Variants in WWOX observed in about 807,000 individuals in gnomAD.
WWOX encodes the protein WW domain-containing oxidoreductase.
Under a neutral mutation model 46.2 loss-of-function variants are expected in WWOX, and 69 were observed. The observed-to-expected ratio is 1.49, with a 90% CI of 1.23 to 1.82. The LOEUF (loss-of-function observed/expected upper bound fraction) is 1.82, where lower values mean the gene tolerates loss of function less well. Among genes scored for constraint, WWOX ranks in the 40% most tolerant of loss-of-function variants. WWOX has a pLI of 0.00. For missense variants in WWOX, 919 were observed against 542.6 expected (o/e 1.69, Z -6.89); for synonymous variants, 359 against 202.6 (o/e 1.77, Z -6.56).
intron 8 of WWOX, among the ~76,000 whole-genome samples, chr16:78,973,309 T>C (rs1051955723): frequency 6.6e-6 from 1 of 152,146 alleles, no homozygotes; most frequent in Admixed American, 6.5e-5. Context: ...TGGGTACTTA[T>C]GTTCCCTAGT....
intron 8 of WWOX, among the ~76,000 whole-genome samples, chr16:78,995,479 A>T (rs1333714006): frequency 6.6e-6 from 1 of 152,152 alleles, no homozygotes; most frequent in Non-Finnish European, 1.5e-5. Flanking sequence ...TGGTAAAACC[A>T]AGTTCTTTGT....
chr16:78,405,228 G>A (rs2082499733), intron 6 of WWOX, among the ~76,000 whole-genome samples: 1 of 152,164 alleles, frequency 6.6e-6, no homozygotes, highest in Non-Finnish European at 1.5e-5. Context: ...TGCATGAAAT[G>A]AAAAATTCCT....
At chr16:78,760,248 C>G (rs938568302) in intron 8 of WWOX, among the ~76,000 whole-genome samples, 15 of 152,116 alleles carry the variant, frequency 9.9e-5, no homozygotes, top group African/African-American at 3.4e-4. Flanking sequence ...GACTTATTCA[C>G]TACCATGAGA....
At chr16:78,155,913 A>G (rs1330683903) in intron 4 of WWOX, among the ~76,000 whole-genome samples, 1 of 152,196 alleles carries the variant, frequency 6.6e-6, no homozygotes, top group Middle Eastern at 3.2e-3. Context: ...ATAAAACTCC[A>G]CACTCTAGAG....
chr16:78,950,408 T>G (rs2046035143), intron 8 of WWOX, among the ~76,000 whole-genome samples: 1 of 151,782 alleles, frequency 6.6e-6, no homozygotes, highest in Non-Finnish European at 1.5e-5. Context: ...AGGAAGGGGC[T>G]TTTTTGCCTT....
intron 8 of WWOX, among the ~76,000 whole-genome samples, chr16:79,114,029 C>G (rs1254970646): frequency 6.6e-6 from 1 of 152,100 alleles, no homozygotes; most frequent in East Asian, 1.9e-4. Flanking sequence ...TCCTGACAGC[C>G]CCAGGTGCTG....
At chr16:78,119,355 G>C (rs1214978746) in intron 4 of WWOX, among the ~76,000 whole-genome samples, 3 of 152,172 alleles carry the variant, frequency 2.0e-5, no homozygotes, top group Non-Finnish European at 4.4e-5. Flanking sequence ...TTTAGACACA[G>C]CCTATCAGTC....
intron 8 of WWOX, among the ~76,000 whole-genome samples, chr16:78,680,460 G>C (rs139518003): frequency 1.4e-3 from 220 of 152,156 alleles, no homozygotes; most frequent in African/African-American, 5.0e-3. Context: ...CTTGAGCCCC[G>C]GGAGGTAGAG....
chr16:79,182,070 C>CCCCACCCTACCCCACCCCAA (rs2050923191), intron 8 of WWOX, among the ~76,000 whole-genome samples: 1 of 141,120 alleles, frequency 7.1e-6, no homozygotes, highest in African/African-American at 3.2e-5. Context: ...CTTCCAACAT[C>CCCCACCCTACCCCACCCCAA]CCCACCCTAC....
At chr16:78,706,924 A>C (rs1016142297) in intron 8 of WWOX, among the ~76,000 whole-genome samples, 1 of 152,150 alleles carries the variant, frequency 6.6e-6, no homozygotes, top group Non-Finnish European at 1.5e-5. Flanking sequence ...CGGCCTCCCA[A>C]AGTATTAGGA....
intron 5 of WWOX, among the ~76,000 whole-genome samples, chr16:78,176,645 ATT>A (rs1436556544): frequency 1.8e-4 from 27 of 152,286 alleles, no homozygotes; most frequent in South Asian, 8.3e-4. Flanking sequence ...AGCCCTTCAG[ATT>A]TATGACTCTG....
chr16:78,392,773 T>G (rs1429478623), intron 6 of WWOX, among the ~76,000 whole-genome samples: 6 of 152,238 alleles, frequency 3.9e-5, no homozygotes, highest in Admixed American at 3.9e-4. Context: ...CGTCCAAGAG[T>G]ACACACAGGC....
intron 8 of WWOX, among the ~76,000 whole-genome samples, chr16:78,755,203 C>T (rs1263335118): frequency 5.1e-5 from 7 of 137,338 alleles, no homozygotes; most frequent in Non-Finnish European, 7.7e-5. Context: ...TATCCCAGAA[C>T]TTAAAGTGAA....
At chr16:78,902,315 C>G (rs1317588751) in intron 8 of WWOX, among the ~76,000 whole-genome samples, 1 of 152,172 alleles carries the variant, frequency 6.6e-6, no homozygotes, top group East Asian at 1.9e-4. Flanking sequence ...ATTGATATTA[C>G]AGGAATGAAA....
At chr16:78,395,329 G>A (rs534195105) in intron 6 of WWOX, among the ~76,000 whole-genome samples, 4 of 152,202 alleles carry the variant, frequency 2.6e-5, no homozygotes, top group South Asian at 2.1e-4. Flanking sequence ...GACCAGCCTC[G>A]GTAATTTGGC....
intron 5 of WWOX, among the ~76,000 whole-genome samples, chr16:78,286,685 C>T (rs1014165062): frequency 6.6e-6 from 1 of 150,550 alleles, no homozygotes; most frequent in African/African-American, 2.5e-5. Flanking sequence ...TCTTCATACT[C>T]AAAGCAGTAA....
At chr16:78,103,122 GC>G (rs1329766812) in intron 1 of WWOX, among the ~76,000 whole-genome samples, 1 of 152,082 alleles carries the variant, frequency 6.6e-6, no homozygotes, top group Non-Finnish European at 1.5e-5. Context: ...TCTCCCATCT[GC>G]TTTCTTCCTG....
intron 8 of WWOX, among the ~76,000 whole-genome samples, chr16:79,059,481 T>G (rs1002867864): frequency 3.3e-5 from 5 of 152,168 alleles, no homozygotes; most frequent in African/African-American, 1.2e-4. Context: ...ATCTCAGTCT[T>G]TTTTATTTAT....
chr16:78,624,098 AG>A (rs2046254596), intron 8 of WWOX, among the ~76,000 whole-genome samples: 1 of 152,186 alleles, frequency 6.6e-6, no homozygotes, highest in South Asian at 2.1e-4. Context: ...TTGACCTAAC[AG>A]GTCATATGAT....
Sources: allele counts gnomAD v4.1 joint callset (sites outside exome capture counted in the v4.1 genomes callset), GRCh38; gene constraint gnomAD v4.1.1; transcripts MANE v1.5; gene names NCBI Gene and HGNC (gene_info 2026-07-23, HGNC 2026-07-21).